CFAP69: variants seen among roughly 807,000 people sequenced by gnomAD.
CFAP69 encodes the protein cilia- and flagella-associated protein 69.
In CFAP69, 92 loss-of-function variants were observed where a neutral mutation model predicts 123.0. The observed-to-expected ratio is 0.75, with a 90% confidence interval of 0.63 to 0.89. The LOEUF (loss-of-function observed/expected upper bound fraction) is 0.89. CFAP69 is among the 40% of genes least tolerant of loss of function. CFAP69 has a pLI of 0.00. For missense variants in CFAP69, 1,067 were observed against 1,096.9 expected (o/e 0.97, Z 0.39); for synonymous variants, 380 against 364.3 (o/e 1.04, Z -0.49).
chr7:90,313,747 C>A (rs1344680217), downstream of CFAP69, among the ~76,000 whole-genome samples: 1 of 152,106 alleles, frequency 6.6e-6, no homozygotes, highest in African/African-American at 2.4e-5. Flanking sequence ...GTGGGGGAAG[C>A]CTCCATACAA....
At chr7:90,288,457 T>C in intron 15 of CFAP69, 105 bp downstream of exon 15, 1 of 1,297,142 alleles carries the variant, frequency 7.7e-7, no homozygotes, top group Non-Finnish European at 1.1e-6. Context: ...AATTTCATCT[T>C]ATGCAAACAT....
intron 11 of CFAP69, among the ~76,000 whole-genome samples, chr7:90,278,514 T>C (rs977974669): frequency 6.6e-6 from 1 of 152,092 alleles, no homozygotes; most frequent in Non-Finnish European, 1.5e-5. Context: ...TTCCATAAAG[T>C]ATGGTTTATT....
intron 15 of CFAP69, among the ~76,000 whole-genome samples, chr7:90,295,370 T>C (rs1791791621): frequency 6.6e-6 from 1 of 152,126 alleles, no homozygotes; most frequent in Admixed American, 6.5e-5. Flanking sequence ...AGACCCTAAC[T>C]CCCCTAAGTT....
chr7:90,255,136 A>T (rs756552999), intron 1 of CFAP69, among the ~76,000 whole-genome samples: 1 of 152,222 alleles, frequency 6.6e-6, no homozygotes, highest in Non-Finnish European at 1.5e-5. Flanking sequence ...TTATTTCTCA[A>T]CTTATGGAAG....
intron 17 of CFAP69, 105 bp downstream of exon 17, chr7:90,300,164 GTTT>G (rs11413344): frequency 6.2e-5 from 67 of 1,072,416 alleles, no homozygotes; most frequent in African/African-American, 6.9e-5. Flanking sequence ...TTTGTCTAAA[GTTT>G]TTTTTTTTTT....
chr7:90,278,906 AAATT>A (rs1231017094), intron 11 of CFAP69, among the ~76,000 whole-genome samples: 1 of 152,274 alleles, frequency 6.6e-6, no homozygotes, highest in Admixed American at 6.5e-5. Context: ...GGAACTAGAA[AAATT>A]AATTGTTTTT....
the CFAP69 span, chr7:90,316,547 G>A: frequency 2.8e-4 from 42 of 152,252 alleles, no homozygotes; most frequent in African/African-American, 8.4e-4. Flanking sequence ...CAAAGATTAC[G>A]TCTGGATTGT....
intron 1 of CFAP69, among the ~76,000 whole-genome samples, chr7:90,246,335 G>A (rs567115603): frequency 5.9e-5 from 9 of 152,100 alleles, no homozygotes; most frequent in African/African-American, 2.2e-4. Context: ...CTTAAAAGCC[G>A]CGAATTCCTG....
At chr7:90,258,071 A>C in intron 2 of CFAP69, 27 bp from the exon 3 acceptor site, 1 of 1,563,030 alleles carries the variant, frequency 6.4e-7, no homozygotes, top group Non-Finnish European at 8.7e-7. Flanking sequence ...AAAGCACAAA[A>C]GAACTAAAAT....
the CFAP69 span, among the ~76,000 whole-genome samples, chr7:90,320,040 G>C: frequency 8.5e-5 from 13 of 152,304 alleles, no homozygotes; most frequent in African/African-American, 2.6e-4. Context: ...ACCCTAAAGA[G>C]CTTATGCTCC....
At chr7:90,251,670 CA>C (rs138040431) in intron 1 of CFAP69, among the ~76,000 whole-genome samples, 125 of 151,260 alleles carry the variant, frequency 8.3e-4, no homozygotes, top group Non-Finnish European at 1.3e-3. Flanking sequence ...ATTCCTGAAA[CA>C]AAAAAAACCT....
At chr7:90,321,864 T>C in the CFAP69 span, among the ~76,000 whole-genome samples, 1 of 152,184 alleles carries the variant, frequency 6.6e-6, no homozygotes, top group South Asian at 2.1e-4. Flanking sequence ...ATGTTGTCCA[T>C]CAATCTCAGC....
chr7:90,289,967 C>T (rs1192789474), intron 15 of CFAP69, among the ~76,000 whole-genome samples: 1 of 152,124 alleles, frequency 6.6e-6, no homozygotes, highest in East Asian at 1.9e-4. Flanking sequence ...TTCTACTGGT[C>T]TTTTGTCTAT....
At chr7:90,320,181 T>C in the CFAP69 span, among the ~76,000 whole-genome samples, 21 of 152,356 alleles carry the variant, frequency 1.4e-4, no homozygotes, top group Admixed American at 5.2e-4. Flanking sequence ...CAGTCCTTTC[T>C]ACATGTAACA....
intron 16 of CFAP69, among the ~76,000 whole-genome samples, 195 bp from the exon 17 acceptor site, chr7:90,299,671 AC>A (rs1239355100): frequency 1.3e-5 from 2 of 152,220 alleles, no homozygotes; most frequent in East Asian, 3.9e-4. Context: ...TAAATCTTTT[AC>A]TTTTTATCCT....
chr7:90,269,665 G>A (rs752911999), intron 6 of CFAP69, among the ~76,000 whole-genome samples: 11 of 152,164 alleles, frequency 7.2e-5, no homozygotes, highest in Admixed American at 4.6e-4. Context: ...CAGGATTAAA[G>A]AATCAGAGGA....
intron 12 of CFAP69, among the ~76,000 whole-genome samples, chr7:90,281,723 C>T (rs1268047061): frequency 6.6e-6 from 1 of 152,110 alleles, no homozygotes; most frequent in African/African-American, 2.4e-5. Context: ...TTTAAAAAGA[C>T]TCATGAGTTA....
rs1031028010 is a variant in CFAP69, at chr7:90,273,866, C to G, written c.861-121C>G. ...CCATTCATGAGGGCTCATTACCTCCCTAAGGCCTCACTCCTAAAACCATCA... is the reference window on the plus strand; with the variant it reads ...CCATTCATGAGGGCTCATTACCTCCGTAAGGCCTCACTCCTAAAACCATCA... On this transcript the variant is annotated intron_variant, in intron 8 of 22. Coordinates refer to ENST00000389297, the MANE Select transcript of CFAP69 (RefSeq NM_001039706.3). 1.7e-5 allele frequency: 12 copies of G among 707,288 alleles called. No homozygotes were observed. The Admixed American group carries it at 4.5e-4, about 27-fold the overall frequency. The allele number at this position is 707,288 out of a possible 1,614,324, so 43.8% of individuals were successfully genotyped here.
At position 90,307,794 on chromosome 7, in the gene CFAP69, G is replaced by A. The variant is rs769656223; in HGVS notation, c.2490G>A (p.Glu830=). The A allele has an allele frequency of 3.1e-6, 5 of 1,611,046 alleles. No homozygotes were observed. The African/African-American group carries it at 6.7e-5, about 22-fold the overall frequency. The change falls in exon 21 of 23, where the codon GAG becomes GAA. Residue 830 remains glutamate (E), a synonymous_variant. Coordinates refer to ENST00000389297, the MANE Select transcript of CFAP69 (RefSeq NM_001039706.3). ...AKIQATHKQR[E]LANKSWEDFL... ...TACAGGCCACGCACAAGCAAAGAGA[G>A]CTGGCTAATAAATCATGGGAAGATT...
Sources: allele counts gnomAD v4.1 joint callset (sites outside exome capture counted in the v4.1 genomes callset), GRCh38; gene constraint gnomAD v4.1.1; transcripts MANE v1.5; gene names NCBI Gene and HGNC (gene_info 2026-07-23, HGNC 2026-07-21).